DOK5: variants seen among roughly 807,000 people sequenced by gnomAD.
The protein encoded by DOK5 is downstream of tyrosine kinase 5.
A neutral mutation model predicts 43.3 loss-of-function variants in DOK5; 27 were observed. That is an observed-to-expected ratio of 0.62 (90% CI 0.46 to 0.86). The LOEUF (loss-of-function observed/expected upper bound fraction) is 0.86, where lower values mean the gene tolerates loss of function less well. DOK5 is among the 40% of genes least tolerant of loss of function. The probability of loss-of-function intolerance (pLI) is 0.00; values close to 1 mark genes in which losing one functional copy is unlikely to be tolerated. For synonymous variants in DOK5, 146 were observed against 140.1 expected, an observed-to-expected ratio of 1.04 and a Z score of -0.30; for missense variants, 373 against 392.9, an observed-to-expected ratio of 0.95 and a Z score of 0.43.
intron 5 of DOK5, among the ~76,000 whole-genome samples, chr20:54,593,984 G>A (rs182686689): frequency 1.3e-5 from 2 of 152,000 alleles, no homozygotes; most frequent in Non-Finnish European, 2.9e-5. Context: ...ACACATATGG[G>A]GCCTATCTGA....
intron 1 of DOK5, among the ~76,000 whole-genome samples, chr20:54,489,396 T>A (rs1307724817): frequency 6.6e-6 from 1 of 151,872 alleles, no homozygotes; most frequent in Non-Finnish European, 1.5e-5. Context: ...ATAAGTAGTT[T>A]TGTGTGTGTG....
At chr20:54,595,153 A>G (rs993576913) in intron 5 of DOK5, among the ~76,000 whole-genome samples, 2 of 152,188 alleles carry the variant, frequency 1.3e-5, no homozygotes, top group Admixed American at 1.3e-4. Flanking sequence ...CATCCTGGCT[A>G]ACACGGTGAA....
chr20:54,605,001 C>CAA (rs71196456), intron 5 of DOK5, among the ~76,000 whole-genome samples: 254 of 108,922 alleles, frequency 2.3e-3, no homozygotes, highest in African/African-American at 6.0e-3. Flanking sequence ...GACTGTGTCT[C>CAA]AAAAAAAAAA....
chr20:54,490,958 G>T (rs146988925), intron 1 of DOK5, among the ~76,000 whole-genome samples: 1 of 152,070 alleles, frequency 6.6e-6, no homozygotes, highest in African/African-American at 2.4e-5. Flanking sequence ...ACTCTTTTCC[G>T]TCCATGTCTT....
rs1031778241 is a variant in DOK5, at chr20:54,475,802, T to C, written c.-145T>C. 7.2e-6 allele frequency: 7 copies of C among 966,876 alleles called. No individual in the cohort carries two copies. In the African/African-American group the frequency reaches 9.7e-5, roughly 13 times the overall value. 59.9% of individuals were successfully genotyped at this position (966,876 alleles called of 1,614,324 possible). A position where few individuals can be genotyped will look rare whatever the true frequency, so the allele number is the denominator to read the frequency against. On this transcript the variant is annotated 5_prime_UTR_variant, in exon 1 of 8. The change abolishes the stop of an existing upstream ORF in the 5' untranslated region. Transcript: ENST00000262593. This position sits in a 1 kb window ranked among gnomAD's most constrained non-coding sequence, Gnocchi z 4.2. Reference sequence around the variant, plus strand: ...GACAGAGAAAGTGATGTGCGCCTTCTAAAGCCTCGCCCAGCGCCGCCGAAG... The same window carrying C: ...GACAGAGAAAGTGATGTGCGCCTTCCAAAGCCTCGCCCAGCGCCGCCGAAG...
At chr20:54,549,395 T>G (rs1279633004) in intron 1 of DOK5, among the ~76,000 whole-genome samples, 1 of 152,236 alleles carries the variant, frequency 6.6e-6, no homozygotes, top group Non-Finnish European at 1.5e-5. Context: ...ACTGTCTGCT[T>G]TTGTACCATG....
At chr20:54,556,364 T>C (rs1984707916) in intron 2 of DOK5, among the ~76,000 whole-genome samples, 1 of 152,238 alleles carries the variant, frequency 6.6e-6, no homozygotes, top group South Asian at 2.1e-4. Flanking sequence ...ATATTTTTTG[T>C]TCTCAGGGAG....
At chr20:54,597,676 T>A (rs548177174) in intron 5 of DOK5, among the ~76,000 whole-genome samples, 1 of 152,324 alleles carries the variant, frequency 6.6e-6, no homozygotes, top group Admixed American at 6.5e-5. Flanking sequence ...TTAAGAAGGC[T>A]CACCTTCTAC....
chr20:54,546,399 CT>C (rs995431728), intron 1 of DOK5, among the ~76,000 whole-genome samples: 36 of 151,614 alleles, frequency 2.4e-4, no homozygotes, highest in Non-Finnish European at 3.4e-4. Flanking sequence ...GGATATATAT[CT>C]TTTTTTTTAT....
At chr20:54,509,738 A>C (rs1416396203) in intron 1 of DOK5, among the ~76,000 whole-genome samples, 4 of 152,126 alleles carry the variant, frequency 2.6e-5, no homozygotes, top group Admixed American at 1.3e-4. Flanking sequence ...TGTAAGTTAA[A>C]ACTCATGCTG....
chr20:54,476,282 A>C, intron 1 of DOK5: 4 of 896,842 alleles, frequency 4.5e-6, no homozygotes, highest in Non-Finnish European at 5.3e-6. Flanking sequence ...ATCTACTCGA[A>C]ATAAATATTT....
At chr20:54,540,831 C>A (rs1984134311) in intron 1 of DOK5, among the ~76,000 whole-genome samples, 1 of 152,122 alleles carries the variant, frequency 6.6e-6, no homozygotes, top group Non-Finnish European at 1.5e-5. Flanking sequence ...GCCCTAAGTA[C>A]TTTACATGCA....
intron 1 of DOK5, among the ~76,000 whole-genome samples, chr20:54,499,890 C>A (rs1345186669): frequency 1.3e-5 from 2 of 152,190 alleles, no homozygotes; most frequent in Non-Finnish European, 2.9e-5. Flanking sequence ...CACCTCGGAA[C>A]AGGAGGAGCG....
intron 7 of DOK5, among the ~76,000 whole-genome samples, chr20:54,644,893 C>G (rs1979324363): frequency 6.8e-6 from 1 of 147,172 alleles, no homozygotes; most frequent in African/African-American, 2.5e-5. Flanking sequence ...CTATTTAAAC[C>G]TATCCTTTCA....
At chr20:54,522,468 G>A (rs185070591) in intron 1 of DOK5, among the ~76,000 whole-genome samples, 18 of 152,126 alleles carry the variant, frequency 1.2e-4, no homozygotes, top group Admixed American at 4.6e-4. Flanking sequence ...CATGAGGGTC[G>A]GAGACAGAGA....
chr20:54,554,144 G>A (rs894875521), intron 1 of DOK5, among the ~76,000 whole-genome samples: 8 of 152,118 alleles, frequency 5.3e-5, no homozygotes, highest in Admixed American at 3.9e-4. Flanking sequence ...GATGTTGATG[G>A]TGATGGGTTC....
At chr20:54,605,842 G>A (rs953860486) in intron 5 of DOK5, among the ~76,000 whole-genome samples, 4 of 152,210 alleles carry the variant, frequency 2.6e-5, no homozygotes, top group African/African-American at 7.2e-5. Context: ...TAAAGTAATG[G>A]AAGCTCTCTT....
intron 2 of DOK5, 111 bp from the exon 3 acceptor site, chr20:54,588,365 TCAACAGG>T: frequency 1.3e-6 from 1 of 762,606 alleles, no homozygotes; most frequent in Admixed American, 2.3e-5. Context: ...AGATACTTTT[TCAACAGG>T]TTGTGCTCAG....
chr20:54,524,345 T>C (rs1159525956), intron 1 of DOK5, among the ~76,000 whole-genome samples: 1 of 152,166 alleles, frequency 6.6e-6, no homozygotes, highest in African/African-American at 2.4e-5. Flanking sequence ...CATAAACAGA[T>C]ATATGCTGTT....
Sources: allele counts gnomAD v4.1 joint callset (sites outside exome capture counted in the v4.1 genomes callset), GRCh38; gene constraint gnomAD v4.1.1; non-coding constraint Gnocchi (gnomAD v3.1); transcripts MANE v1.5; gene names NCBI Gene and HGNC (gene_info 2026-07-23, HGNC 2026-07-21).